Variants in NT5E observed in about 807,000 individuals in gnomAD.
NT5E encodes the protein 5'-nucleotidase ecto.
A neutral mutation model predicts 55.1 loss-of-function variants in NT5E; 53 were observed. The observed-to-expected ratio is 0.96, with a 90% CI of 0.77 to 1.21. The LOEUF is 1.21. Ranked by LOEUF, NT5E falls within the 50% of genes most tolerant of loss-of-function variation. The pLI is 0.00. For missense variants in NT5E, 683 were observed against 724.3 expected (o/e 0.94, Z 0.65); for synonymous variants, 270 against 278.4 (o/e 0.97, Z 0.30).
chr6:85,485,510 C>A (rs1237019462), intron 4 of NT5E, 78 bp downstream of exon 4: 39 of 1,398,208 alleles, frequency 2.8e-5, no homozygotes, highest in Non-Finnish European at 4.0e-5. Context: ...CATTTTTTTC[C>A]TTTAATGTTT....
chr6:85,461,794 C>G (rs1405574929), intron 1 of NT5E, among the ~76,000 whole-genome samples: 1 of 152,090 alleles, frequency 6.6e-6, no homozygotes, highest in African/African-American at 2.4e-5. Context: ...GGGTAGAGGC[C>G]TGGCACCCCT....
intron 1 of NT5E, among the ~76,000 whole-genome samples, chr6:85,458,546 C>A (rs17819627): frequency 6.6e-6 from 1 of 152,126 alleles, no homozygotes; most frequent in Non-Finnish European, 1.5e-5. Flanking sequence ...ATCATATTGG[C>A]GGCTTTCTGC....
chr6:85,493,196 G>T (rs942683896), intron 8 of NT5E, among the ~76,000 whole-genome samples: 1 of 152,144 alleles, frequency 6.6e-6, no homozygotes, highest in African/African-American at 2.4e-5. Context: ...CAATGGCTCG[G>T]CCGCAGCTCT....
chr6:85,460,583 G>T (rs2127754954), intron 1 of NT5E, among the ~76,000 whole-genome samples: 1 of 152,226 alleles, frequency 6.6e-6, no homozygotes, highest in African/African-American at 2.4e-5. Flanking sequence ...ACTGAATTTA[G>T]CAGTCACACT....
chr6:85,476,684 G>A (rs1769444424), intron 3 of NT5E, among the ~76,000 whole-genome samples: 1 of 152,182 alleles, frequency 6.6e-6, no homozygotes, highest in South Asian at 2.1e-4. Context: ...GATGAAAATG[G>A]CTCTCAGTGG....
intron 3 of NT5E, 135 bp from the exon 4 acceptor site, chr6:85,485,100 A>G (rs1349088702): frequency 1.2e-6 from 1 of 823,378 alleles, no homozygotes; most frequent in Non-Finnish European, 2.0e-6. Context: ...AGGGCTCTGA[A>G]AGACTAGCTA....
chr6:85,476,269 G>C (rs190317062), intron 3 of NT5E, among the ~76,000 whole-genome samples: 9 of 152,312 alleles, frequency 5.9e-5, no homozygotes, highest in Admixed American at 5.9e-4. Flanking sequence ...ATTATCTCCA[G>C]AATTTCTCCA....
intron 1 of NT5E, among the ~76,000 whole-genome samples, chr6:85,463,652 G>A (rs1300956916): frequency 6.6e-6 from 1 of 152,128 alleles, no homozygotes; most frequent in Admixed American, 6.5e-5. Context: ...TTCCTGAGAT[G>A]TTTTCATGTT....
chr6:85,471,564 T>C, intron 3 of NT5E, 139 bp downstream of exon 3: 1 of 456,474 alleles, frequency 2.2e-6, no homozygotes, highest in South Asian at 6.0e-5. Context: ...ATATATGTAA[T>C]ATACATTAAA....
chr6:85,461,453 A>G (rs1319219293), intron 1 of NT5E, among the ~76,000 whole-genome samples: 1 of 152,208 alleles, frequency 6.6e-6, no homozygotes, highest in Non-Finnish European at 1.5e-5. Context: ...CGAGCCACAA[A>G]GCCCTGAAGG....
intron 6 of NT5E, 95 bp downstream of exon 6, chr6:85,489,694 C>T: frequency 1.2e-6 from 1 of 827,098 alleles, no homozygotes; most frequent in South Asian, 1.4e-5. Context: ...CATGTGCAGC[C>T]TCAGTTCATC....
intron 4 of NT5E, among the ~76,000 whole-genome samples, chr6:85,486,456 G>A (rs1028732029): frequency 2.0e-5 from 3 of 152,022 alleles, no homozygotes; most frequent in Admixed American, 6.5e-5. Context: ...CAAGATGAGC[G>A]TGTTTATAGC....
chr6:85,456,790 G>A (rs996550046), intron 1 of NT5E, among the ~76,000 whole-genome samples: 2 of 152,166 alleles, frequency 1.3e-5, no homozygotes, highest in African/African-American at 4.8e-5. Flanking sequence ...TAGGTATAGG[G>A]CTAAGGGAGT....
intron 3 of NT5E, among the ~76,000 whole-genome samples, chr6:85,481,008 G>A (rs2127723335): frequency 6.6e-6 from 1 of 152,226 alleles, no homozygotes; most frequent in East Asian, 1.9e-4. Flanking sequence ...GAATTGAGGG[G>A]ACCTGGGGTA....
Position 85,467,218 on chromosome 6 carries a change from T to C in NT5E, c.498T>C (p.Val166=). 6.2e-7 allele frequency: 1 copy of C among 1,614,154 alleles called. No homozygotes were observed. The highest frequency in any genetic ancestry group is 8.5e-7 in the Non-Finnish European group (1 of 1,180,030). The change falls in exon 2 of 9, where the codon GTT becomes GTC. Residue 166 remains valine (V), a synonymous_variant. Coordinates refer to ENST00000257770, the MANE Select transcript of NT5E (RefSeq NM_002526.4). The part of the protein sequence containing the change: ...GLYLPYKVLP[V]GDEVVGIVGY... Reference sequence around the variant, plus strand: ...ATTTGCCATATAAAGTTCTTCCTGTTGGTGATGAAGTTGTGGGAATCGTTG... The same window carrying C: ...ATTTGCCATATAAAGTTCTTCCTGTCGGTGATGAAGTTGTGGGAATCGTTG...
chr6:85,478,540 C>G (rs907292586), intron 3 of NT5E, among the ~76,000 whole-genome samples: 2 of 152,140 alleles, frequency 1.3e-5, no homozygotes, highest in African/African-American at 4.8e-5. Flanking sequence ...AACTGGTTTC[C>G]TCTCAGGCTT....
rs773028174 is a variant in NT5E at position 85,471,341 on chromosome 6, T to G, written c.667T>G (p.Phe223Val). The G allele has an allele frequency of 4.3e-6, 7 of 1,613,326 alleles. No individual in the cohort carries two copies. The Admixed American group carries it at 1.0e-4, about 23-fold the overall frequency. The change falls in exon 3 of 9, where the codon TTT (phenylalanine) becomes GTT (valine). Residue 223 changes from phenylalanine (F) to valine (V), a missense_variant. Transcript: ENST00000257770. ...NKIIALGHSG[F>V]EMDKLIAQKV... The stretch of plus-strand genomic sequence containing the variant: ...AATTATTGCACTGGGACATTCGGGT[T>G]TTGAAATGGATAAACTCATCGCTCA...
chr6:85,488,379 T>C (rs1022676661), intron 5 of NT5E, among the ~76,000 whole-genome samples: 1 of 152,120 alleles, frequency 6.6e-6, no homozygotes, highest in African/African-American at 2.4e-5. Context: ...ACAATCATGC[T>C]CATGCCAAGA....
intron 1 of NT5E, among the ~76,000 whole-genome samples, chr6:85,466,228 T>G (rs1436582324): frequency 6.6e-6 from 1 of 152,128 alleles, no homozygotes; most frequent in Admixed American, 6.5e-5. Context: ...TGGGTGGTTT[T>G]GTACCCAGCA....
Sources: allele counts gnomAD v4.1 joint callset (sites outside exome capture counted in the v4.1 genomes callset), GRCh38; gene constraint gnomAD v4.1.1; transcripts MANE v1.5; gene names NCBI Gene and HGNC (gene_info 2026-07-23, HGNC 2026-07-21).